LTBP4: variants seen among roughly 807,000 people sequenced by gnomAD.
LTBP4 encodes latent transforming growth factor beta binding protein 4, also known as latent-transforming growth factor beta-binding protein 4.
Under a neutral mutation model 180.2 loss-of-function variants are expected in LTBP4, and 93 were observed. The observed-to-expected ratio is 0.52, with a 90% CI of 0.44 to 0.61. The LOEUF (loss-of-function observed/expected upper bound fraction) is 0.61, where lower values mean the gene tolerates loss of function less well. Ranked by LOEUF, LTBP4 falls within the 20% of genes least tolerant of loss-of-function variation. The pLI is 0.00. For synonymous variants in LTBP4, 947 were observed against 934.5 expected (o/e 1.01, Z -0.24); for missense variants, 2,116 against 2,256.5 (o/e 0.94, Z 1.26).
chr19:40,599,397 C>A, upstream of LTBP4: 1 of 1,610,720 alleles, frequency 6.2e-7, no homozygotes. Context: ...TCCTTCCCCA[C>A]TTAGTCCCTG....
chr19:40,602,631 C>A (rs1415653149), intron 1 of LTBP4, among the ~76,000 whole-genome samples: 1 of 152,202 alleles, frequency 6.6e-6, no homozygotes, highest in East Asian at 1.9e-4. Context: ...CGTGCCTGTG[C>A]CAGGCGCCAT....
chr19:40,609,526 C>T lies in LTBP4; in HGVS notation c.1427-4C>T. On this transcript the variant is annotated splice_polypyrimidine_tract_variant and splice_region_variant and intron_variant, in intron 9 of 29. Coordinates refer to ENST00000396819, the MANE Select transcript of LTBP4 (RefSeq NM_001042545.2). The surrounding 1 kb of genome is among the most constrained non-coding windows in gnomAD (Gnocchi z 4.9). ...GGGGAACCCTGGCTGACTGGACCCC[C>T]CAGGTCCCTCCTCCGGCATGTGTCA... 1 of 1,612,706 alleles carries T rather than the reference C, an allele frequency of 6.2e-7. No homozygotes were observed. The highest frequency in any genetic ancestry group is 8.5e-7 in the Non-Finnish European group (1 of 1,179,458).
upstream of LTBP4, among the ~76,000 whole-genome samples, chr19:40,597,883 T>C (rs2081399405): frequency 6.6e-6 from 1 of 150,872 alleles, no homozygotes; most frequent in Non-Finnish European, 1.5e-5. Flanking sequence ...AGACATAGAC[T>C]CTTGCGTTGA....
At chr19:40,601,674 G>A (rs1244326116) in intron 1 of LTBP4, 37 bp downstream of exon 1, 8 of 1,297,360 alleles carry the variant, frequency 6.2e-6, no homozygotes, top group Non-Finnish European at 7.9e-6. Context: ...GAGCGGCTCC[G>A]GGGGGGAGGA....
At chr19:40,604,885 G>C (rs1288158524) in intron 1 of LTBP4, 150 bp from the exon 2 acceptor site, 8 of 663,900 alleles carry the variant, frequency 1.2e-5, no homozygotes, top group Non-Finnish European at 2.0e-5. Flanking sequence ...CAACTGGACT[G>C]GGCCAATGCT....
Position 40,627,157 on chromosome 19 carries a change from G to T in LTBP4, c.4168G>T (p.Gly1390Trp), listed in dbSNP as rs751526622. 2 of 1,612,870 alleles carry T rather than the reference G, an allele frequency of 1.2e-6. No individual in the cohort carries two copies. Among genetic ancestry groups the T allele is most frequent in the East Asian group, 2.2e-5 (1 of 44,802 alleles). Residue 1390 changes from glycine (G) to tryptophan (W), a missense_variant, in exon 28 of 30, where the codon GGG (glycine) becomes TGG (tryptophan). Transcript: ENST00000396819. ...LPYDPYPPPP[G>W]PFARREAPYG... ...CTACGACCCCTACCCACCGCCACCTGGGCCCTTCGCCCGCCGGGAGGCTCC... is the reference window on the plus strand; with the variant it reads ...CTACGACCCCTACCCACCGCCACCTTGGCCCTTCGCCCGCCGGGAGGCTCC...
Position 40,613,441 on chromosome 19 carries a change from T to C in LTBP4, c.2469T>C (p.Pro823=). ...GCCTGGAGGGCGATTTCTGCTTCCC[T>C]CACGGCGAGTGCCTCAACACTGACG... ...NECLEGDFCF[P]HGECLNTDGS... is the part of the protein sequence containing the mutation. Residue 823 remains proline (P), a synonymous_variant, in exon 17 of 30, where the codon CCT becomes CCC. Coordinates refer to ENST00000396819, the MANE Select transcript of LTBP4 (RefSeq NM_001042545.2). The surrounding 1 kb of genome is among the most constrained non-coding windows in gnomAD (Gnocchi z 5.0). 6.2e-7 allele frequency: 1 copy of C among 1,604,108 alleles called. No individual in the cohort carries two copies. The highest frequency in any genetic ancestry group is 1.3e-5 in the African/African-American group (1 of 74,850).
In LTBP4 at chr19:40,611,219, T is replaced by G; in HGVS notation, c.1878T>G (p.Ser626=). The change falls in exon 13 of 30, where the codon TCT becomes TCG. Residue 626 remains serine (S), a synonymous_variant. Transcript: ENST00000396819. The surrounding 1 kb of genome is among the most constrained non-coding windows in gnomAD (Gnocchi z 4.4). ...GRGACKNLPG[S]FRCVCPAGFR... is the part of the protein sequence containing the mutation. ...GGGCCTGCAAGAACCTGCCTGGCTC[T>G]TTCCGCTGTGTTTGCCCGGCTGGCT... 1 of 1,613,840 alleles carries G rather than the reference T, an allele frequency of 6.2e-7. No individual in the cohort carries two copies. The highest frequency in any genetic ancestry group is 1.1e-5 in the South Asian group (1 of 91,064).
At chr19:40,598,856 G>T (rs1037904747), upstream of LTBP4, among the ~76,000 whole-genome samples, 1 of 152,190 alleles carries the variant, frequency 6.6e-6, no homozygotes, top group African/African-American at 2.4e-5. Flanking sequence ...GACAGTGCGG[G>T]CTTAGAAATG....
chr19:40,610,010 C>T, intron 11 of LTBP4, 139 bp downstream of exon 11: 1 of 1,207,796 alleles, frequency 8.3e-7, no homozygotes, highest in Non-Finnish European at 1.1e-6. Context: ...CTTGGCCCTG[C>T]CCTTCCCTGA....
intron 9 of LTBP4, 81 bp downstream of exon 9, chr19:40,608,684 G>C: frequency 1.3e-6 from 2 of 1,495,256 alleles, no homozygotes; most frequent in Non-Finnish European, 1.8e-6. Context: ...AGGCTGAGGA[G>C]GGTGGATCAC....
intron 11 of LTBP4, chr19:40,610,143 TTATTGGCCACGCCCC>T: frequency 4.2e-6 from 2 of 477,862 alleles, no homozygotes; most frequent in South Asian, 3.7e-5. Context: ...GGCCCCGCCC[TTATTGGCCACGCCCC>T]TCCCTGACTA....
upstream of LTBP4, chr19:40,597,205 C>T: frequency 7.0e-7 from 1 of 1,431,860 alleles, no homozygotes; most frequent in South Asian, 1.5e-5. Flanking sequence ...ACAGACCGCC[C>T]GCCCGGAGCG....
Position 40,613,836 on chromosome 19 carries a change from G to A in LTBP4, c.2558-80G>A. The stretch of plus-strand genomic sequence containing the variant: ...AAGGCGTGAGAGGCCTAGGAGAGCC[G>A]AGGGGCGGTGGAGGGGTGTGGCCTA... On this transcript the variant is annotated intron_variant, in intron 17 of 29. Coordinates refer to ENST00000396819, the MANE Select transcript of LTBP4 (RefSeq NM_001042545.2). This position sits in a 1 kb window ranked among gnomAD's most constrained non-coding sequence, Gnocchi z 5.0. 1 of 1,593,482 alleles carries A rather than the reference G, an allele frequency of 6.3e-7. No individual in the cohort carries two copies. Among genetic ancestry groups the A allele is most frequent in the South Asian group, 1.1e-5 (1 of 89,570 alleles).
rs768580577 is a variant in LTBP4, at chr19:40,627,854, G to C, written c.4516G>C (p.Val1506Leu). Residue 1506 changes from valine to leucine, a missense_variant, in exon 29 of 30, where the codon GTT (valine) becomes CTT (leucine). Physicochemically the swap from Val to Leu is conservative, Grantham distance 32. Coordinates refer to ENST00000396819, the MANE Select transcript of LTBP4 (RefSeq NM_001042545.2). ...CCTGGACATGACCCGCATGGCCTGC[G>C]TTGGTGAGGGCGGGCCCGGGGCCAG... The part of the protein sequence containing the change: ...YRLDMTRMAC[V>L]DINECDEAEA... 2.5e-5 allele frequency: 39 copies of C among 1,562,898 alleles called. No individual in the cohort carries two copies. Among genetic ancestry groups the C allele is most frequent in the Non-Finnish European group, 3.0e-5 (35 of 1,161,002 alleles).
In LTBP4 at chr19:40,616,905, A is replaced by G. The variant is rs1452469194; in HGVS notation, c.2829A>G (p.Gln943=). ...ACTCTGCAGATGTGGATGAGTGCCA[A>G]GAATATGGTCCCGAGATTTGTGGAG... is the stretch of plus-strand genomic sequence containing the variant. ...EGTCDDVDEC[Q]EYGPEICGAQ... is the part of the protein sequence containing the mutation. Residue 943 remains glutamine (Q), a synonymous_variant, in exon 20 of 30, where the codon CAA becomes CAG. Transcript: ENST00000396819. 1 of 1,613,950 alleles carries G rather than the reference A, an allele frequency of 6.2e-7. No individual in the cohort carries two copies. Among genetic ancestry groups the G allele is most frequent in the East Asian group, 2.2e-5 (1 of 44,882 alleles).
intron 27 of LTBP4, 147 bp from the exon 28 acceptor site, chr19:40,626,828 C>G: frequency 1.0e-6 from 1 of 978,650 alleles, no homozygotes. Flanking sequence ...TCTCAGCCTT[C>G]AGATTCTCAG....
chr19:40,605,472 G>A lies in LTBP4; in HGVS notation c.510G>A (p.Val170=), dbSNP rs2081452703. ...PQEASVVVHQ[V]ERVSGPWEEA... Reference sequence around the variant, plus strand: ...AGGCGTCGGTGGTGGTGCACCAGGTGGAGCGTGTGTCTGGCCCTTGGGAGG... The same window carrying A: ...AGGCGTCGGTGGTGGTGCACCAGGTAGAGCGTGTGTCTGGCCCTTGGGAGG... Residue 170 remains valine, a synonymous_variant, in exon 3 of 30, where the codon GTG becomes GTA. Transcript: ENST00000396819. This position sits in a 1 kb window ranked among gnomAD's most constrained non-coding sequence, Gnocchi z 5.5. The A allele has an allele frequency of 2.5e-6, 4 of 1,612,406 alleles. No individual in the cohort carries two copies. The South Asian group carries it at 4.4e-5, about 18-fold the overall frequency.
Position 40,627,285 on chromosome 19 carries a change from C to T in LTBP4, c.4296C>T (p.Pro1432=). The stretch of plus-strand genomic sequence containing the variant: ...CACCTGGCCCGGGCACCCGCTGGCC[C>T]TATCGGTCCCGGGACACCCGCCGCT... ...PAPPGPGTRW[P]YRSRDTRRSF... is the part of the protein sequence containing the mutation. Residue 1432 remains proline (P), a synonymous_variant, in exon 28 of 30, where the codon CCC becomes CCT. Transcript: ENST00000396819. 1.3e-6 allele frequency: 2 copies of T among 1,523,946 alleles called. No individual in the cohort carries two copies. The highest frequency in any genetic ancestry group is 1.8e-6 in the Non-Finnish European group (2 of 1,138,000). The allele number at this position is 1,523,946 out of a possible 1,614,324, so 94.4% of individuals were successfully genotyped here.
Sources: allele counts gnomAD v4.1 joint callset (sites outside exome capture counted in the v4.1 genomes callset), GRCh38; gene constraint gnomAD v4.1.1; non-coding constraint Gnocchi (gnomAD v3.1); transcripts MANE v1.5; gene names NCBI Gene and HGNC (gene_info 2026-07-23, HGNC 2026-07-21).